The following SYN3 variants were observed in gnomAD, a reference collection of about 807,000 sequenced individuals.
SYN3 encodes the protein synapsin-3.
SYN3 carries 35 observed loss-of-function variants against 65.8 expected under a neutral mutation model. The observed-to-expected ratio is 0.53, with a 90% CI of 0.41 to 0.70. SYN3 has a LOEUF of 0.70. Ranked by LOEUF, SYN3 falls within the 30% of genes least tolerant of loss-of-function variation. The pLI, the probability that SYN3 is intolerant of heterozygous loss-of-function variation, is 0.00. For missense variants in SYN3, 680 were observed against 749.0 expected (o/e 0.91, Z 1.08); for synonymous variants, 270 against 292.9 (o/e 0.92, Z 0.80).
At chr22:32,615,322 C>A (rs2059500624) in intron 6 of SYN3, among the ~76,000 whole-genome samples, 1 of 148,064 alleles carries the variant, frequency 6.8e-6, no homozygotes, top group Non-Finnish European at 1.5e-5. Flanking sequence ...GTAATCCCAG[C>A]TACTTGGGAG....
chr22:32,892,354 C>G (rs1330783909), intron 4 of SYN3, among the ~76,000 whole-genome samples: 1 of 152,160 alleles, frequency 6.6e-6, no homozygotes, highest in Non-Finnish European at 1.5e-5. Flanking sequence ...TCTTATTCAA[C>G]AAATACACGC....
At chr22:32,679,048 CTTTT>C (rs145971116) in intron 6 of SYN3, among the ~76,000 whole-genome samples, 2 of 85,658 alleles carry the variant, frequency 2.3e-5, no homozygotes, top group East Asian at 4.0e-4. Flanking sequence ...TTGTTTCTTT[CTTTT>C]TTTTTTTTTT....
intron 6 of SYN3, among the ~76,000 whole-genome samples, chr22:32,715,168 G>A (rs1251312352): frequency 6.6e-6 from 1 of 152,164 alleles, no homozygotes; most frequent in African/African-American, 2.4e-5. Flanking sequence ...TGTAGCGTTT[G>A]CTTATTTTCA....
chr22:32,910,567 T>G lies in SYN3; in HGVS notation c.461+20823A>C, dbSNP rs1050491023. On this transcript the variant is annotated intron_variant, in intron 4 of 13. Coordinates refer to ENST00000358763, the MANE Select transcript of SYN3 (RefSeq NM_003490.4). ...CTGTGTCTTTTACTTCAAGAGTTAG[T>G]AGACAGCTCTGATTCAGACCCCAGC... is the stretch of plus-strand genomic sequence containing the variant. 2.0e-5 allele frequency among the ~76,000 whole-genome samples: 3 copies of G among 152,174 alleles called. No individual in the cohort carries two copies. In the East Asian group the frequency reaches 5.8e-4, roughly 29 times the overall value.
intron 2 of SYN3, among the ~76,000 whole-genome samples, chr22:32,997,952 G>A (rs190560910): frequency 2.0e-4 from 31 of 151,670 alleles, no homozygotes; most frequent in Middle Eastern, 3.4e-3. Flanking sequence ...GCGTGAACCC[G>A]GGAGACGGAG....
intron 6 of SYN3, among the ~76,000 whole-genome samples, chr22:32,827,826 A>C (rs2047456834): frequency 6.6e-6 from 1 of 152,046 alleles, no homozygotes; most frequent in Non-Finnish European, 1.5e-5. Context: ...CAAGTTTGTC[A>C]CTGTCTCTTT....
In SYN3 at chr22:32,859,225, G is replaced by T. The variant is rs137853302; in HGVS notation, c.711+5690C>A. On this transcript the variant is annotated intron_variant, in intron 6 of 13. Transcript: ENST00000358763. ...GCCTTGCTTTGTGACTTCCAAGAAC[G>T]AGTGTCTCTGGACCGACATGCTCTC... 6.2e-7 allele frequency: 1 copy of T among 1,614,152 alleles called. No homozygotes were observed. The highest frequency in any genetic ancestry group is 8.5e-7 in the Non-Finnish European group (1 of 1,180,042).
intron 6 of SYN3, among the ~76,000 whole-genome samples, chr22:32,839,957 C>A (rs1381638447): frequency 6.6e-6 from 1 of 152,042 alleles, no homozygotes; most frequent in Non-Finnish European, 1.5e-5. Flanking sequence ...ATCCTGCTCA[C>A]AAGGTGAGGA....
At chr22:32,930,328 C>A (rs1460942492) in intron 4 of SYN3, among the ~76,000 whole-genome samples, 1 of 152,138 alleles carries the variant, frequency 6.6e-6, no homozygotes. Flanking sequence ...CCTGCACAGG[C>A]TCTCGTTCTC....
intron 4 of SYN3, among the ~76,000 whole-genome samples, chr22:32,912,423 C>T (rs1347091538): frequency 1.3e-5 from 2 of 152,020 alleles, no homozygotes; most frequent in Non-Finnish European, 2.9e-5. Flanking sequence ...AGTTTTAAAG[C>T]ACTCACTCTT....
chr22:33,039,016 T>C (rs1455303870), intron 1 of SYN3, among the ~76,000 whole-genome samples: 1 of 152,136 alleles, frequency 6.6e-6, no homozygotes, highest in Non-Finnish European at 1.5e-5. Flanking sequence ...CCAGGGCTCA[T>C]CTCCCAGGGC....
At chr22:32,696,156 C>T (rs2060733921) in intron 6 of SYN3, among the ~76,000 whole-genome samples, 1 of 152,216 alleles carries the variant, frequency 6.6e-6, no homozygotes, top group African/African-American at 2.4e-5. Flanking sequence ...TGGGCTCCTT[C>T]TCTTTTGAGG....
chr22:32,987,188 C>T (rs1012737717), intron 2 of SYN3, among the ~76,000 whole-genome samples: 2 of 152,062 alleles, frequency 1.3e-5, no homozygotes, highest in South Asian at 4.2e-4. Context: ...AGGCCACCCC[C>T]ACTGGGGGTG....
chr22:32,956,739 A>G (rs545574796), intron 3 of SYN3, among the ~76,000 whole-genome samples: 91 of 152,274 alleles, frequency 6.0e-4, no homozygotes, highest in African/African-American at 1.9e-3. Context: ...TGCTGTGAAC[A>G]TGGGTGTACA....
At chr22:32,980,724 C>T (rs16991621) in intron 2 of SYN3, 22 bp from the exon 3 acceptor site, 26,078 of 1,612,016 alleles carry the variant, frequency 0.016, 226 homozygotes, top group Non-Finnish European at 0.019. Flanking sequence ...AAGAAATCAG[C>T]TGAGTAAGGA....
At chr22:32,653,317 A>AT (rs2060099261) in intron 6 of SYN3, among the ~76,000 whole-genome samples, 1 of 152,052 alleles carries the variant, frequency 6.6e-6, no homozygotes, top group African/African-American at 2.4e-5. Context: ...AGGCTTTAGA[A>AT]TTTTTTATCA....
chr22:33,028,703 G>GTGA (rs1569413539), intron 1 of SYN3, among the ~76,000 whole-genome samples: 3 of 139,906 alleles, frequency 2.1e-5, no homozygotes, highest in African/African-American at 8.4e-5. Context: ...GGTGGTGGTG[G>GTGA]TGGTGGTGGT....
intron 7 of SYN3, among the ~76,000 whole-genome samples, chr22:32,584,616 A>T (rs191575704): frequency 1.2e-3 from 188 of 152,366 alleles, no homozygotes; most frequent in African/African-American, 4.4e-3. Flanking sequence ...CCTCTGCATC[A>T]GTGCTCATAA....
chr22:32,838,893 G>A (rs116959820), intron 6 of SYN3, among the ~76,000 whole-genome samples: 2,930 of 151,772 alleles, frequency 0.019, 39 homozygotes, highest in Middle Eastern at 0.031. Flanking sequence ...CCTGCCATCC[G>A]GTAATTAGCG....
Sources: allele counts gnomAD v4.1 joint callset (sites outside exome capture counted in the v4.1 genomes callset), GRCh38; gene constraint gnomAD v4.1.1; transcripts MANE v1.5; gene names NCBI Gene and HGNC (gene_info 2026-07-23, HGNC 2026-07-21).